Variants in PPP2R2D observed in about 807,000 individuals in gnomAD.
PPP2R2D encodes the protein protein phosphatase 2 regulatory subunit Bdelta.
A neutral mutation model predicts 31.1 loss-of-function variants in PPP2R2D; 9 were observed. The observed-to-expected ratio is 0.29, with a 90% confidence interval of 0.17 to 0.51. PPP2R2D has a LOEUF of 0.51. Among genes scored for constraint, PPP2R2D ranks in the 20% least tolerant of loss-of-function variants. The probability of loss-of-function intolerance (pLI) is 0.98; values close to 1 mark genes in which losing one functional copy is unlikely to be tolerated. For synonymous variants in PPP2R2D, 179 were observed against 172.6 expected (o/e 1.04, Z -0.29); for missense variants, 391 against 465.6 (o/e 0.84, Z 1.48).
intron 8 of PPP2R2D, among the ~76,000 whole-genome samples, chr10:131,954,630 C>T (rs1333270647): frequency 6.9e-6 from 1 of 144,204 alleles, no homozygotes; most frequent in Non-Finnish European, 1.5e-5. Context: ...CTGAGTTCGT[C>T]TTTTTTTTTT....
chr10:131,910,003 T>C (rs1382937152), intron 2 of PPP2R2D, among the ~76,000 whole-genome samples: 2 of 151,674 alleles, frequency 1.3e-5, no homozygotes, highest in East Asian at 3.9e-4. Context: ...CAGACCTGCT[T>C]CTGCATTCCG....
At chr10:131,964,664 ATGT>A (rs2036957437), downstream of PPP2R2D, among the ~76,000 whole-genome samples, 1 of 126,752 alleles carries the variant, frequency 7.9e-6, no homozygotes, top group Non-Finnish European at 1.6e-5. Context: ...AGAGTTTACT[ATGT>A]TTTTTTTTTT....
At position 131,951,647 on chromosome 10, in the gene PPP2R2D, C is replaced by T. The variant is rs547287711; in HGVS notation, c.1082+3856C>T. 2.6e-5 allele frequency among the ~76,000 whole-genome samples: 4 copies of T among 152,190 alleles called. No individual in the cohort carries two copies. In the South Asian group the frequency reaches 8.3e-4, roughly 32 times the overall value. On this transcript the variant is annotated intron_variant, in intron 8 of 8. Coordinates refer to ENST00000455566, the MANE Select transcript of PPP2R2D (RefSeq NM_018461.5). ...AGCAGCCTGACCAACATAGTGAAAC[C>T]CCATCTCTACTAGAAATACAAAAAT...
intron 2 of PPP2R2D, among the ~76,000 whole-genome samples, chr10:131,905,075 C>T (rs2035561509): frequency 6.6e-6 from 1 of 151,760 alleles, no homozygotes; most frequent in Non-Finnish European, 1.5e-5. Context: ...ACTTCCCATC[C>T]CCCTGCAGGT....
the PPP2R2D span, chr10:131,968,605 G>A: frequency 8.4e-6 from 13 of 1,538,478 alleles, no homozygotes; most frequent in African/African-American, 1.4e-5. Flanking sequence ...AATGTATCTT[G>A]TGATTCACAG....
At chr10:131,927,887 G>A (rs1266996743) in intron 2 of PPP2R2D, among the ~76,000 whole-genome samples, 4 of 152,164 alleles carry the variant, frequency 2.6e-5, no homozygotes, top group Non-Finnish European at 5.9e-5. Flanking sequence ...TTTTGTGAAC[G>A]TGCTGTGAAC....
At chr10:131,913,492 C>G (rs1018464443) in intron 2 of PPP2R2D, among the ~76,000 whole-genome samples, 3 of 151,872 alleles carry the variant, frequency 2.0e-5, no homozygotes, top group Non-Finnish European at 4.4e-5. Context: ...ATTGCTGTTG[C>G]TACTCTGGAA....
intron 8 of PPP2R2D, among the ~76,000 whole-genome samples, chr10:131,953,136 C>T (rs1204693966): frequency 2.7e-5 from 1 of 37,290 alleles, no homozygotes; most frequent in Non-Finnish European, 4.6e-5. Flanking sequence ...CAGTGACTTG[C>T]AGGTTTGCGG....
At chr10:131,916,227 T>C (rs1222174640) in intron 2 of PPP2R2D, among the ~76,000 whole-genome samples, 12 of 152,082 alleles carry the variant, frequency 7.9e-5, no homozygotes, top group Non-Finnish European at 1.5e-4. Flanking sequence ...AGAGGCGGGC[T>C]CTGTGGAGTT....
In PPP2R2D at chr10:131,944,209, C is replaced by T. The variant is rs574003476; in HGVS notation, c.655+64C>T. On this transcript the variant is annotated intron_variant, in intron 6 of 8. Transcript: ENST00000455566. The stretch of plus-strand genomic sequence containing the variant: ...GTGCTCTTTAGATAGTAATTTCTCT[C>T]GTCCCTTTATACACCTGTATCTCGG... 1.9e-4 allele frequency: 269 copies of T among 1,388,132 alleles called. 2 individuals carry two copies. The Middle Eastern group carries it at 2.7e-3, about 14-fold the overall frequency. The allele number at this position is 1,388,132 out of a possible 1,614,324, so 86.0% of individuals were successfully genotyped here. A position where few individuals can be genotyped will look rare whatever the true frequency, so the allele number is the denominator to read the frequency against.
At chr10:131,918,668 G>A (rs2035882556) in intron 2 of PPP2R2D, among the ~76,000 whole-genome samples, 1 of 149,004 alleles carries the variant, frequency 6.7e-6, no homozygotes, top group Non-Finnish European at 1.5e-5. Context: ...CAGGCGGGTA[G>A]GATGACACAG....
At position 131,924,520 on chromosome 10, in the gene PPP2R2D, G is replaced by A. The variant is rs368987488; in HGVS notation, c.101-9938G>A. Among the ~76,000 whole-genome samples, 12 of 152,098 alleles carry A rather than the reference G, an allele frequency of 7.9e-5. No homozygotes were observed. The East Asian group carries it at 1.9e-3, about 24-fold the overall frequency. On this transcript the variant is annotated intron_variant, in intron 2 of 8. Coordinates refer to ENST00000455566, the MANE Select transcript of PPP2R2D (RefSeq NM_018461.5). ...CTAGACTCTGACCTCTGATCCATTG[G>A]TCTATATGTCTGTCCTCATGCCAAT...
At chr10:131,930,053 A>G (rs55730412) in intron 2 of PPP2R2D, among the ~76,000 whole-genome samples, 2,896 of 152,316 alleles carry the variant, frequency 0.019, 94 homozygotes, top group African/African-American at 0.064. Flanking sequence ...CCCACAAAAA[A>G]AGAGGTTGAA....
At chr10:131,915,526 C>T (rs1442674122) in intron 2 of PPP2R2D, among the ~76,000 whole-genome samples, 13 of 152,194 alleles carry the variant, frequency 8.5e-5, no homozygotes, top group African/African-American at 2.9e-4. Context: ...TGTCCATCTC[C>T]GTTTTAACTC....
intron 3 of PPP2R2D, chr10:131,934,883 C>T (rs1245939494): frequency 2.2e-6 from 1 of 464,936 alleles, no homozygotes; most frequent in South Asian, 1.5e-5. Flanking sequence ...TCCCTTTATA[C>T]GCCTATGCAG....
At chr10:131,955,070 G>A (rs1039922228) in intron 8 of PPP2R2D, among the ~76,000 whole-genome samples, 3 of 152,218 alleles carry the variant, frequency 2.0e-5, no homozygotes, top group African/African-American at 7.2e-5. Flanking sequence ...TTTTTCGACA[G>A]CAGAGACATT....
chr10:131,931,737 G>A lies in PPP2R2D; in HGVS notation c.101-2721G>A, dbSNP rs183645393. Among the ~76,000 whole-genome samples, 659 of 152,336 alleles carry A rather than the reference G, an allele frequency of 4.3e-3. 2 individuals are homozygous for A. Among genetic ancestry groups the A allele is most frequent in the Non-Finnish European group, 6.9e-3 (472 of 68,024 alleles). On this transcript the variant is annotated intron_variant, in intron 2 of 8. Transcript: ENST00000455566. ...TGAGTGTAGCGAGGCTGCTGTTTCT[G>A]TGGGCCTGGGCTTTTCAGCTGGCAG...
rs1488468383 is a variant in PPP2R2D, at chr10:131,956,313, GCT to G, written c.*353_*354del. On this transcript the variant is annotated 3_prime_UTR_variant, in exon 9 of 9. Transcript: ENST00000455566. ...AAGAGAAAAGTTATTGTCAGATACC[GCT>G]CTTTCTCCAACTTTCCCTCTTTCTC... 2 of 1,003,482 alleles carry G rather than the reference GCT, an allele frequency of 2.0e-6. No homozygotes were observed. Among genetic ancestry groups the G allele is most frequent in the Non-Finnish European group, 2.4e-6 (2 of 842,418 alleles). 62.2% of individuals were successfully genotyped at this position (1,003,482 alleles called of 1,614,324 possible). A position where few individuals can be genotyped will look rare whatever the true frequency, so the allele number is the denominator to read the frequency against.
intron 8 of PPP2R2D, among the ~76,000 whole-genome samples, chr10:131,954,680 G>A (rs1180771292): frequency 6.6e-6 from 1 of 151,264 alleles, no homozygotes; most frequent in Non-Finnish European, 1.5e-5. Flanking sequence ...AGGTCAGTCA[G>A]ACACTAGGTA....
Sources: gnomAD v4.1 joint callset for allele counts (sites outside exome capture counted in the v4.1 genomes callset) on GRCh38, gnomAD v4.1.1 for gene constraint, MANE v1.5 for transcripts, NCBI Gene and HGNC (gene_info 2026-07-23, HGNC 2026-07-21) for gene names.